The following C12orf60 variants were observed in gnomAD, a reference collection of about 807,000 sequenced individuals.
C12orf60 encodes chromosome 12 open reading frame 60.
For synonymous variants in C12orf60, 102 were observed against 94.6 expected (o/e 1.08, Z -0.45); for missense variants, 284 against 283.2 (o/e 1.00, Z -0.02).
chr12:14,806,114 T>C, intron 1 of C12orf60: 1 of 1,614,210 alleles, frequency 6.2e-7, no homozygotes, highest in South Asian at 1.1e-5. Flanking sequence ...TGATGGCTGC[T>C]TGAAGCTGTG....
In C12orf60 at chr12:14,807,778, A is replaced by G. The variant is rs76734462; in HGVS notation, c.-25+4027A>G. ...TCCATTTGCAAAGCTTATAAATTAA[A>G]TTATTTAGAATAGTCTAAATAGTAT... is the stretch of plus-strand genomic sequence containing the variant. On this transcript the variant is annotated intron_variant, in intron 1 of 1. Coordinates refer to ENST00000330828, the MANE Select transcript of C12orf60 (RefSeq NM_175874.4). 3.3e-5 allele frequency among the ~76,000 whole-genome samples: 5 copies of G among 152,342 alleles called. No homozygotes were observed. The East Asian group carries it at 9.6e-4, about 29-fold the overall frequency.
chr12:14,818,087 T>C (rs1272532080), intron 1 of C12orf60, among the ~76,000 whole-genome samples: 1 of 152,210 alleles, frequency 6.6e-6, no homozygotes, highest in Non-Finnish European at 1.5e-5. Flanking sequence ...ATCTGTGTTG[T>C]TGAGCTTTCT....
rs544194087 is a variant in C12orf60, at chr12:14,820,261, T to G, written c.-24-2651T>G. Among the ~76,000 whole-genome samples the G allele has an allele frequency of 3.6e-4, 55 of 152,170 alleles. 2 individuals are homozygous for G. In the South Asian group the frequency reaches 0.011, roughly 31 times the overall value. On this transcript the variant is annotated intron_variant, in intron 1 of 1. Transcript: ENST00000330828. The stretch of plus-strand genomic sequence containing the variant: ...GTGTTCTCTCTCCTTTTTTCTCTGG[T>G]CAATCTGGCTTAAAGTTTATTGGTT...
Position 14,823,383 on chromosome 12 carries a change from A to G in C12orf60, c.448A>G (p.Asn150Asp). The G allele has an allele frequency of 6.2e-7, 1 of 1,614,122 alleles. No individual in the cohort carries two copies. Among genetic ancestry groups the G allele is most frequent in the Non-Finnish European group, 8.5e-7 (1 of 1,180,018 alleles). The change falls in exon 2 of 2, where the codon AAT becomes GAT. Residue 150 changes from asparagine to aspartate, a missense_variant. Asn to Asp is a conservative substitution (Grantham distance 23). Transcript: ENST00000330828. ...LSHLMKFPIMNLQLSDFYTED... is the reference protein window; with the variant it reads ...LSHLMKFPIMDLQLSDFYTED... ...ACACTTGATGAAATTCCCCATCATG[A>G]ATCTTCAATTAAGTGACTTCTATAC...
chr12:14,817,106 T>C (rs1025988397), intron 1 of C12orf60, among the ~76,000 whole-genome samples: 1 of 152,176 alleles, frequency 6.6e-6, no homozygotes, highest in African/African-American at 2.4e-5. Context: ...ATGGATATGC[T>C]TTTGGTGTCA....
chr12:14,805,971 A>G (rs1950041425), intron 1 of C12orf60: 4 of 1,559,072 alleles, frequency 2.6e-6, no homozygotes, highest in South Asian at 1.2e-5. Flanking sequence ...AAGGAAGCAG[A>G]AAAACACTTC....
intron 1 of C12orf60, among the ~76,000 whole-genome samples, chr12:14,813,570 T>TA (rs1950173304): frequency 2.0e-5 from 3 of 152,260 alleles, no homozygotes; most frequent in Non-Finnish European, 4.4e-5. Flanking sequence ...AAGCCTCTAC[T>TA]GTGTCCCTTG....
Position 14,803,725 on chromosome 12 carries a change from C to A in C12orf60, c.-51C>A, listed in dbSNP as rs1047785095. 7.9e-6 allele frequency: 3 copies of A among 377,510 alleles called. No individual in the cohort carries two copies. The highest frequency in any genetic ancestry group is 1.4e-5 in the Non-Finnish European group (3 of 213,334). The allele number at this position is 377,510 out of a possible 1,614,324, so 23.4% of individuals were successfully genotyped here. On this transcript the variant is annotated 5_prime_UTR_variant, in exon 1 of 2. Coordinates refer to ENST00000330828, the MANE Select transcript of C12orf60 (RefSeq NM_175874.4). ...ACGGTCCTGTCTCTCGAGTTGGAGGCATCTTGACTTAGTTGCTGGGAGCCT... is the reference window on the plus strand; with the variant it reads ...ACGGTCCTGTCTCTCGAGTTGGAGGAATCTTGACTTAGTTGCTGGGAGCCT...
At chr12:14,813,737 C>T (rs1044273947) in intron 1 of C12orf60, among the ~76,000 whole-genome samples, 1 of 152,140 alleles carries the variant, frequency 6.6e-6, no homozygotes, top group Non-Finnish European at 1.5e-5. Context: ...TTCATTCTTT[C>T]ATAGATAGGT....
At chr12:14,805,821 G>A (rs1950038771) in intron 1 of C12orf60, 3 of 670,264 alleles carry the variant, frequency 4.5e-6, no homozygotes, top group Non-Finnish European at 7.4e-6. Flanking sequence ...GCTGATCCAG[G>A]CATTGTTGAC....
intron 1 of C12orf60, among the ~76,000 whole-genome samples, chr12:14,822,646 A>G (rs1262912283): frequency 6.6e-6 from 1 of 152,212 alleles, no homozygotes; most frequent in Non-Finnish European, 1.5e-5. Flanking sequence ...GTAATTCAGT[A>G]TATCAATCTA....
At chr12:14,811,417 A>G (rs1950134603) in intron 1 of C12orf60, among the ~76,000 whole-genome samples, 1 of 152,078 alleles carries the variant, frequency 6.6e-6, no homozygotes, top group Admixed American at 6.5e-5. Flanking sequence ...ATTTGATGAG[A>G]GAGTTCTGTT....
chr12:14,814,921 A>G (rs1276494558), intron 1 of C12orf60, among the ~76,000 whole-genome samples: 1 of 152,224 alleles, frequency 6.6e-6, no homozygotes, highest in African/African-American at 2.4e-5. Flanking sequence ...TCCAAGTACC[A>G]CTTACTAGTC....
intron 1 of C12orf60, among the ~76,000 whole-genome samples, chr12:14,812,069 A>G (rs1950148088): frequency 6.6e-6 from 1 of 152,270 alleles, no homozygotes; most frequent in Non-Finnish European, 1.5e-5. Context: ...GTTTATATGC[A>G]TAAGTATCTT....
intron 1 of C12orf60, among the ~76,000 whole-genome samples, chr12:14,816,262 T>C (rs1191960710): frequency 6.6e-6 from 1 of 152,174 alleles, no homozygotes. Context: ...TCCAAACTTA[T>C]CTGCATGTAG....
chr12:14,806,411 C>A lies in C12orf60; in HGVS notation c.-25+2660C>A, dbSNP rs369044986. ...GTTTTCTATAGAGGGTTGGCTCTAG[C>A]TTATCTTTTAGTGCTTCATCAACCT... On this transcript the variant is annotated intron_variant, in intron 1 of 1. Coordinates refer to ENST00000330828, the MANE Select transcript of C12orf60 (RefSeq NM_175874.4). 1.6e-5 allele frequency: 26 copies of A among 1,614,060 alleles called. No homozygotes were observed. The African/African-American group carries it at 3.3e-4, about 21-fold the overall frequency.
intron 1 of C12orf60, among the ~76,000 whole-genome samples, chr12:14,821,718 C>T (rs772427792): frequency 2.2e-4 from 33 of 152,158 alleles, no homozygotes; most frequent in Middle Eastern, 6.8e-3. Context: ...TTTCTGTGGT[C>T]TGCCACCTGC....
chr12:14,804,309 C>T (rs1798887043), intron 1 of C12orf60, among the ~76,000 whole-genome samples: 1 of 152,174 alleles, frequency 6.6e-6, no homozygotes, highest in Admixed American at 6.5e-5. Context: ...TCAGCCCCCA[C>T]TTATTTCCCT....
chr12:14,818,959 T>A (rs1239029793), intron 1 of C12orf60, among the ~76,000 whole-genome samples: 1 of 152,226 alleles, frequency 6.6e-6, no homozygotes, highest in African/African-American at 2.4e-5. Flanking sequence ...AATCTTTGTT[T>A]ATTCTTGTTC....
Sources: gnomAD v4.1 joint callset for allele counts (sites outside exome capture counted in the v4.1 genomes callset) on GRCh38, gnomAD v4.1.1 for gene constraint, MANE v1.5 for transcripts, NCBI Gene and HGNC (gene_info 2026-07-23, HGNC 2026-07-21) for gene names.